Variants in GRM1 observed in about 807,000 individuals in gnomAD.
GRM1 encodes the protein glutamate metabotropic receptor 1, also known as metabotropic glutamate receptor 1.
GRM1 carries 33 observed loss-of-function variants against 90.9 expected under a neutral mutation model. That is an observed-to-expected ratio of 0.36 (90% CI 0.28 to 0.49). The LOEUF is 0.49. GRM1 is among the 20% of genes least tolerant of loss of function. GRM1 has a pLI of 0.99. For missense variants in GRM1, 1,190 were observed against 1,534.3 expected (o/e 0.78, Z 3.75); for synonymous variants, 700 against 613.2 (o/e 1.14, Z -2.09).
At chr6:146,139,479 T>C (rs911980040) in intron 1 of GRM1, among the ~76,000 whole-genome samples, 1 of 152,200 alleles carries the variant, frequency 6.6e-6, no homozygotes, top group Non-Finnish European at 1.5e-5. Context: ...ATTTGCTTTA[T>C]ATATCTGGGT....
chr6:146,214,682 G>T (rs1048283418), intron 2 of GRM1, among the ~76,000 whole-genome samples: 8 of 152,116 alleles, frequency 5.3e-5, no homozygotes, highest in Non-Finnish European at 8.8e-5. Flanking sequence ...ATAGAGTTAT[G>T]TCCAAAATGC....
chr6:146,169,322 G>A (rs191191066), intron 2 of GRM1, among the ~76,000 whole-genome samples: 7 of 151,816 alleles, frequency 4.6e-5, no homozygotes, highest in Non-Finnish European at 7.4e-5. Flanking sequence ...CATTCTTCTG[G>A]GATATATAAA....
chr6:146,371,298 C>T (rs952000032), intron 5 of GRM1, among the ~76,000 whole-genome samples: 1 of 152,006 alleles, frequency 6.6e-6, no homozygotes, highest in Non-Finnish European at 1.5e-5. Flanking sequence ...AGCTGACTCT[C>T]CCACAGTTCT....
intron 1 of GRM1, among the ~76,000 whole-genome samples, chr6:146,105,199 G>A (rs933788320): frequency 6.6e-6 from 1 of 152,174 alleles, no homozygotes; most frequent in Non-Finnish European, 1.5e-5. Flanking sequence ...TAGAATGTTT[G>A]ATGGTAGAAG....
chr6:146,040,056 A>T (rs1025905573), intron 1 of GRM1, among the ~76,000 whole-genome samples: 60 of 152,008 alleles, frequency 3.9e-4, no homozygotes, highest in Non-Finnish European at 2.9e-5. Flanking sequence ...AGGGGGTAAG[A>T]TATAAAACAC....
At chr6:146,248,628 T>A (rs1418417390) in intron 2 of GRM1, among the ~76,000 whole-genome samples, 1 of 152,144 alleles carries the variant, frequency 6.6e-6, no homozygotes, top group Admixed American at 6.5e-5. Flanking sequence ...CAGTCTCAGG[T>A]AGTAGCCTTA....
At chr6:146,150,820 C>G (rs1376666077) in intron 1 of GRM1, among the ~76,000 whole-genome samples, 1 of 152,154 alleles carries the variant, frequency 6.6e-6, no homozygotes, top group East Asian at 1.9e-4. Flanking sequence ...TTTTGTATGC[C>G]TGGCTTATTT....
chr6:146,094,055 C>T (rs902595914), intron 1 of GRM1, among the ~76,000 whole-genome samples: 3 of 152,050 alleles, frequency 2.0e-5, no homozygotes, highest in Non-Finnish European at 1.5e-5. Context: ...CTTATAAAAA[C>T]AACCCCTAAG....
intron 3 of GRM1, among the ~76,000 whole-genome samples, chr6:146,315,951 G>A (rs1340860581): frequency 6.6e-6 from 1 of 152,164 alleles, no homozygotes; most frequent in East Asian, 1.9e-4. Context: ...TGTCCAGATT[G>A]GGTAATTCTT....
At chr6:146,392,201 C>G (rs1004817108) in intron 6 of GRM1, among the ~76,000 whole-genome samples, 1 of 152,122 alleles carries the variant, frequency 6.6e-6, no homozygotes, top group African/African-American at 2.4e-5. Flanking sequence ...GGCTACATGA[C>G]TTGGGGGTGA....
intron 1 of GRM1, among the ~76,000 whole-genome samples, chr6:146,088,274 A>G (rs894383504): frequency 6.6e-6 from 1 of 151,938 alleles, no homozygotes; most frequent in Non-Finnish European, 1.5e-5. Flanking sequence ...CTGATTTTCT[A>G]ATTGGATTGT....
At chr6:146,044,316 GA>G (rs963443315) in intron 1 of GRM1, among the ~76,000 whole-genome samples, 3 of 152,002 alleles carry the variant, frequency 2.0e-5, no homozygotes, top group Admixed American at 6.6e-5. Flanking sequence ...TGCTCAGTGA[GA>G]AATGGAGAGG....
At chr6:146,094,820 A>T (rs182990404) in intron 1 of GRM1, among the ~76,000 whole-genome samples, 24 of 152,228 alleles carry the variant, frequency 1.6e-4, no homozygotes, top group Admixed American at 7.9e-4. Context: ...GCTGAGAATC[A>T]TGCACTAGTT....
At chr6:146,123,436 G>A (rs965611163) in intron 1 of GRM1, among the ~76,000 whole-genome samples, 3 of 152,136 alleles carry the variant, frequency 2.0e-5, no homozygotes, top group Non-Finnish European at 4.4e-5. Context: ...ATGGATGCAG[G>A]GGCTGCCTCT....
chr6:146,381,706 T>C (rs1463265158), intron 5 of GRM1, among the ~76,000 whole-genome samples: 2 of 152,148 alleles, frequency 1.3e-5, no homozygotes, highest in Non-Finnish European at 2.9e-5. Context: ...CCAGAAACAG[T>C]TTACTCTTTC....
chr6:146,055,576 A>G (rs1176981529), intron 1 of GRM1, among the ~76,000 whole-genome samples: 2 of 152,100 alleles, frequency 1.3e-5, no homozygotes, highest in African/African-American at 4.8e-5. Context: ...TGCAAATTCA[A>G]TGAGTCTTTC....
At chr6:146,324,620 C>T (rs571437605) in intron 3 of GRM1, among the ~76,000 whole-genome samples, 6 of 152,116 alleles carry the variant, frequency 3.9e-5, no homozygotes, top group Middle Eastern at 3.4e-3. Context: ...AGTACCTGGG[C>T]GGGAGTGCAC....
intron 1 of GRM1, among the ~76,000 whole-genome samples, chr6:146,144,699 C>T (rs1777023681): frequency 6.6e-6 from 1 of 152,070 alleles, no homozygotes; most frequent in Non-Finnish European, 1.5e-5. Context: ...GGCTTTAGAA[C>T]TGGGTAAGAG....
Position 146,434,732 on chromosome 6 carries a change from C to T in GRM1, c.3521C>T (p.Pro1174Leu), listed in dbSNP as rs781049400. The part of the protein sequence containing the change: ...SPVSESVLCT[P>L]PNVSYASVIL... ...GTGTCCGAGTCGGTGCTCTGCACCC[C>T]TCCCAACGTATCCTACGCCTCTGTC... is the stretch of plus-strand genomic sequence containing the variant. The change falls in exon 8 of 8, where the codon CCT (proline) becomes CTT (leucine). Residue 1174 changes from proline to leucine, a missense_variant. Coordinates refer to ENST00000282753, the MANE Select transcript of GRM1 (RefSeq NM_001278064.2). 29 of 1,600,926 alleles carry T rather than the reference C, an allele frequency of 1.8e-5. No individual in the cohort carries two copies. Among genetic ancestry groups the T allele is most frequent in the Non-Finnish European group, 2.2e-5 (26 of 1,179,908 alleles).
Sources: gnomAD v4.1 joint callset for allele counts (sites outside exome capture counted in the v4.1 genomes callset) on GRCh38, gnomAD v4.1.1 for gene constraint, MANE v1.5 for transcripts, NCBI Gene and HGNC (gene_info 2026-07-23, HGNC 2026-07-21) for gene names.